Variants in SPAG16 observed in about 807,000 individuals in gnomAD.
The protein encoded by SPAG16 is sperm associated antigen 16.
SPAG16 carries 86 observed loss-of-function variants against 80.4 expected under a neutral mutation model. That is an observed-to-expected ratio of 1.07 (90% confidence interval 0.90 to 1.28). The LOEUF (loss-of-function observed/expected upper bound fraction) is 1.28. Ranked by LOEUF, SPAG16 falls within the 50% of genes most tolerant of loss-of-function variation. The pLI, the probability that SPAG16 is intolerant of heterozygous loss-of-function variation, is 0.00. For synonymous variants in SPAG16, 294 were observed against 265.9 expected (o/e 1.11, Z -1.03); for missense variants, 870 against 765.3 (o/e 1.14, Z -1.61).
intron 10 of SPAG16, among the ~76,000 whole-genome samples, chr2:213,818,442 G>A (rs1260242462): frequency 6.6e-6 from 1 of 152,024 alleles, no homozygotes; most frequent in Non-Finnish European, 1.5e-5. Context: ...TCACTTTCCT[G>A]TCCCCTATGA....
At chr2:213,938,670 T>C (rs890886499) in intron 12 of SPAG16, among the ~76,000 whole-genome samples, 6 of 151,892 alleles carry the variant, frequency 4.0e-5, no homozygotes, top group Non-Finnish European at 8.8e-5. Context: ...AATAAAAATT[T>C]AAGATTTGAT....
At chr2:213,509,007 T>C (rs1460673958) in intron 10 of SPAG16, among the ~76,000 whole-genome samples, 1 of 149,742 alleles carries the variant, frequency 6.7e-6, no homozygotes, top group Non-Finnish European at 1.5e-5. Flanking sequence ...TTCTTTTCTT[T>C]TTTTTTTGAG....
chr2:213,676,630 A>G (rs1403957973), intron 10 of SPAG16, among the ~76,000 whole-genome samples: 2 of 152,094 alleles, frequency 1.3e-5, no homozygotes, highest in South Asian at 2.1e-4. Flanking sequence ...TTCTGCATCT[A>G]TTGAGATAAT....
chr2:213,728,062 T>C (rs1298723827), intron 10 of SPAG16, among the ~76,000 whole-genome samples: 1 of 152,190 alleles, frequency 6.6e-6, no homozygotes, highest in African/African-American at 2.4e-5. Context: ...TTGGTCAGGC[T>C]GGTCTCAAAC....
At chr2:213,362,539 A>G (rs1467688139) in intron 7 of SPAG16, among the ~76,000 whole-genome samples, 1 of 152,202 alleles carries the variant, frequency 6.6e-6, no homozygotes, top group Non-Finnish European at 1.5e-5. Context: ...GGTGAACATC[A>G]TCAGTTTTAA....
At chr2:213,841,824 T>G (rs1281421891) in intron 10 of SPAG16, among the ~76,000 whole-genome samples, 1 of 152,160 alleles carries the variant, frequency 6.6e-6, no homozygotes, top group African/African-American at 2.4e-5. Flanking sequence ...GCACAAATAT[T>G]AATATAACTA....
chr2:213,483,950 C>G (rs1260995413), intron 9 of SPAG16, among the ~76,000 whole-genome samples: 1 of 152,096 alleles, frequency 6.6e-6, no homozygotes, highest in African/African-American at 2.4e-5. Context: ...GTTTTTAAAT[C>G]AAGCAGATCT....
At chr2:213,796,039 A>G (rs1410044748) in intron 10 of SPAG16, among the ~76,000 whole-genome samples, 3 of 152,280 alleles carry the variant, frequency 2.0e-5, no homozygotes, top group Non-Finnish European at 4.4e-5. Context: ...TAATTATAAG[A>G]ATTTTGGAGG....
intron 13 of SPAG16, among the ~76,000 whole-genome samples, chr2:214,061,981 G>GCACACACACACACACACACA (rs58582439): frequency 1.8e-5 from 2 of 111,536 alleles, no homozygotes; most frequent in Non-Finnish European, 3.9e-5. Context: ...ATAAAAGCAT[G>GCACACACACACACACACACA]CACACACACA....
Position 214,315,505 on chromosome 2 carries a change from AT to A in SPAG16, c.1721-94632del, listed in dbSNP as rs1329146500. ...TCCCCCCTCCAGCCCCATCTTTTTT[AT>A]TTATTTATTTATTTATTTATTTATT... On this transcript the variant is annotated intron_variant, in intron 15 of 15. Coordinates refer to ENST00000331683, the MANE Select transcript of SPAG16 (RefSeq NM_024532.5). 1.8e-4 allele frequency among the ~76,000 whole-genome samples: 5 copies of A among 27,252 alleles called. No homozygotes were observed. The African/African-American group carries it at 2.9e-3, about 16-fold the overall frequency. The allele number at this position is 27,252 out of a possible 152,430, so 17.9% of individuals were successfully genotyped here.
intron 10 of SPAG16, among the ~76,000 whole-genome samples, chr2:213,759,079 G>A (rs2068504279): frequency 6.6e-6 from 1 of 152,150 alleles, no homozygotes; most frequent in Admixed American, 6.5e-5. Flanking sequence ...CAGCCAAACT[G>A]TCCTTAAAGT....
rs554861458 is a variant in SPAG16, at chr2:213,576,522, G to A, written c.1070+86432G>A. On this transcript the variant is annotated intron_variant, in intron 10 of 15. Coordinates refer to ENST00000331683, the MANE Select transcript of SPAG16 (RefSeq NM_024532.5). ...CATTCTGTTATGAAGTTGTATGCAC[G>A]CATATGTTCATTGCAGCACTATTCA... Among the ~76,000 whole-genome samples the A allele has an allele frequency of 1.6e-4, 25 of 152,190 alleles. 1 individual carries two copies. The South Asian group carries it at 4.6e-3, about 28-fold the overall frequency.
Position 213,309,985 on chromosome 2 carries a change from G to A in SPAG16, c.280-74G>A, listed in dbSNP as rs553999681. On this transcript the variant is annotated intron_variant, in intron 3 of 15. Transcript: ENST00000331683. ...AAAAAATGAATGGATGAATGAATGA[G>A]TCGAAGGCTTATCTATATCATTAAT... 70 of 921,086 alleles carry A rather than the reference G, an allele frequency of 7.6e-5. No individual in the cohort carries two copies. The African/African-American group carries it at 1.0e-3, about 14-fold the overall frequency. The allele number at this position is 921,086 out of a possible 1,614,324, so 57.1% of individuals were successfully genotyped here.
intron 10 of SPAG16, among the ~76,000 whole-genome samples, chr2:213,532,333 T>A (rs905785039): frequency 1.3e-5 from 2 of 152,202 alleles, no homozygotes; most frequent in African/African-American, 4.8e-5. Flanking sequence ...TCTAATTTAA[T>A]TTTTATATAC....
At chr2:214,355,807 A>G (rs2126059648) in intron 15 of SPAG16, among the ~76,000 whole-genome samples, 1 of 151,940 alleles carries the variant, frequency 6.6e-6, no homozygotes, top group African/African-American at 2.4e-5. Context: ...GATTAAGAAA[A>G]TGTGGCACAT....
At chr2:213,994,636 C>A (rs963809353) in intron 12 of SPAG16, among the ~76,000 whole-genome samples, 9 of 149,566 alleles carry the variant, frequency 6.0e-5, no homozygotes, top group African/African-American at 2.0e-4. Flanking sequence ...CCTTCTGTTT[C>A]CATTCACTGG....
intron 14 of SPAG16, among the ~76,000 whole-genome samples, chr2:214,115,876 CAAA>C (rs34111831): frequency 3.0e-5 from 2 of 66,130 alleles, no homozygotes. Context: ...GACTCCATCT[CAAA>C]AAAAAAAAAA....
At chr2:213,986,918 A>C (rs2046040741) in intron 12 of SPAG16, among the ~76,000 whole-genome samples, 1 of 145,534 alleles carries the variant, frequency 6.9e-6, no homozygotes, top group South Asian at 2.1e-4. Context: ...AAAAAAAAAA[A>C]TCTAAGAAAC....
intron 10 of SPAG16, among the ~76,000 whole-genome samples, chr2:213,562,824 C>T (rs944135033): frequency 6.6e-6 from 1 of 152,154 alleles, no homozygotes; most frequent in Non-Finnish European, 1.5e-5. Context: ...CTGGTGAGGG[C>T]CGATTTCATA....
Sources: allele counts gnomAD v4.1 joint callset (sites outside exome capture counted in the v4.1 genomes callset), GRCh38; gene constraint gnomAD v4.1.1; transcripts MANE v1.5; gene names NCBI Gene and HGNC (gene_info 2026-07-23, HGNC 2026-07-21).